Variants in PARD3B observed in about 807,000 individuals in gnomAD.
PARD3B encodes the protein partitioning defective 3 homolog B.
A neutral mutation model predicts 130.2 loss-of-function variants in PARD3B; 103 were observed. The ratio of observed to expected loss-of-function variants is 0.79; its 90% CI spans 0.67 to 0.93. PARD3B has a LOEUF of 0.93. Ranked by LOEUF, PARD3B falls within the 40% of genes least tolerant of loss-of-function variation. PARD3B has a pLI of 0.00. For missense variants in PARD3B, 1,609 were observed against 1,499.2 expected (o/e 1.07, Z -1.21); for synonymous variants, 583 against 553.2 (o/e 1.05, Z -0.76).
chr2:205,060,731 GTGTTAA>G (rs1169709921), intron 4 of PARD3B, among the ~76,000 whole-genome samples: 1 of 152,046 alleles, frequency 6.6e-6, no homozygotes, highest in Non-Finnish European at 1.5e-5. Flanking sequence ...TTTTCTATGT[GTGTTAA>G]ATATAATTAA....
At chr2:205,124,298 C>G (rs1286154125) in intron 8 of PARD3B, 29 bp from the exon 9 acceptor site, 1 of 1,465,190 alleles carries the variant, frequency 6.8e-7, no homozygotes, top group Non-Finnish European at 9.1e-7. Context: ...CTTAAGATGA[C>G]TATACATTTT....
At chr2:205,047,900 C>G (rs950501427) in intron 4 of PARD3B, 30 of 391,884 alleles carry the variant, frequency 7.7e-5, no homozygotes, top group Admixed American at 1.7e-4. Context: ...GATTATGTGC[C>G]AAGTACTATT....
Position 205,430,838 on chromosome 2 carries a change from C to T in PARD3B, c.2742-9532C>T, listed in dbSNP as rs78352316. Among the ~76,000 whole-genome samples, 1,151 of 152,220 alleles carry T rather than the reference C, an allele frequency of 7.6e-3. 13 individuals carry two copies. Among genetic ancestry groups the T allele is most frequent in the African/African-American group, 0.024 (988 of 41,540 alleles). ...ATGTAACGTACAAGCATTTTTACAA[C>T]CTGATTCAAATAAATCATCTGGGGA... On this transcript the variant is annotated intron_variant, in intron 19 of 22. Transcript: ENST00000406610.
intron 2 of PARD3B, among the ~76,000 whole-genome samples, chr2:204,930,939 T>C (rs970032879): frequency 6.6e-6 from 1 of 152,066 alleles, no homozygotes; most frequent in Non-Finnish European, 1.5e-5. Flanking sequence ...TCAACTAAAT[T>C]ATAAGATCTC....
intron 1 of PARD3B, among the ~76,000 whole-genome samples, chr2:204,646,175 C>A (rs1308549344): frequency 1.3e-5 from 2 of 152,116 alleles, no homozygotes; most frequent in African/African-American, 4.8e-5. Context: ...CATACCTCTG[C>A]ACTTGTATTA....
At chr2:205,198,780 G>C (rs192025158) in intron 15 of PARD3B, among the ~76,000 whole-genome samples, 199 of 151,960 alleles carry the variant, frequency 1.3e-3, no homozygotes, top group African/African-American at 4.3e-3. Context: ...TGATAATAAA[G>C]ACTGAATACA....
In PARD3B at chr2:205,269,367, C is replaced by T. The variant is rs1415966997; in HGVS notation, c.2185+23545C>T. Among the ~76,000 whole-genome samples, 1 of 152,106 alleles carries T rather than the reference C, an allele frequency of 6.6e-6. No homozygotes were observed. Among genetic ancestry groups the T allele is most frequent in the East Asian group, 1.9e-4 (1 of 5,192 alleles). ...AACTGTTTCCCAATTTCAATTTATT[C>T]ATCCTTTTTACTAGTGACATCATTC... is the stretch of plus-strand genomic sequence containing the variant. On this transcript the variant is annotated intron_variant, in intron 16 of 22. Coordinates refer to ENST00000406610, the MANE Select transcript of PARD3B (RefSeq NM_001302769.2). The surrounding 1 kb of genome is among the most constrained non-coding windows in gnomAD (Gnocchi z 4.7).
At chr2:204,987,446 G>A (rs940044407) in intron 3 of PARD3B, among the ~76,000 whole-genome samples, 1 of 152,194 alleles carries the variant, frequency 6.6e-6, no homozygotes, top group African/African-American at 2.4e-5. Flanking sequence ...AAAAGATTCT[G>A]TAGTTTGGGG....
Position 205,238,850 on chromosome 2 carries a change from ATATATAT to A in PARD3B, c.2141-6927_2141-6921del, listed in dbSNP as rs1284217588. On this transcript the variant is annotated intron_variant, in intron 15 of 22. Transcript: ENST00000406610. The stretch of plus-strand genomic sequence containing the variant: ...AACTCCGTTTCAAAAAAAAAAAAAA[ATATATAT>A]ATATATATATATATATATATGTATG... 2.8e-3 allele frequency among the ~76,000 whole-genome samples: 184 copies of A among 65,920 alleles called. 11 individuals carry two copies. Among genetic ancestry groups the A allele is most frequent in the African/African-American group, 0.01 (163 of 16,042 alleles). The allele number at this position is 65,920 out of a possible 152,430, so 43.2% of individuals were successfully genotyped here.
chr2:204,744,786 G>T (rs917261565), intron 2 of PARD3B, among the ~76,000 whole-genome samples: 2 of 152,110 alleles, frequency 1.3e-5, no homozygotes, highest in South Asian at 4.1e-4. Context: ...GAAGTTTGTG[G>T]AATAGAACCA....
chr2:204,998,210 C>G (rs565034483), intron 3 of PARD3B, among the ~76,000 whole-genome samples: 2 of 147,902 alleles, frequency 1.4e-5, no homozygotes, highest in African/African-American at 5.0e-5. Context: ...AGGGGAAATA[C>G]CTAATGTAGA....
intron 1 of PARD3B, among the ~76,000 whole-genome samples, chr2:204,680,462 T>G (rs76323875): frequency 2.0e-5 from 3 of 152,006 alleles, no homozygotes; most frequent in Non-Finnish European, 4.4e-5. Context: ...TCTTGATTGG[T>G]TCTGCTATGA....
chr2:204,984,116 A>G (rs1213857761), intron 3 of PARD3B, among the ~76,000 whole-genome samples: 1 of 151,992 alleles, frequency 6.6e-6, no homozygotes, highest in East Asian at 1.9e-4. Context: ...AAAACATCTA[A>G]ATCAAAATTA....
At chr2:205,139,029 AGGTTTC>A (rs2032724367) in intron 10 of PARD3B, among the ~76,000 whole-genome samples, 1 of 152,162 alleles carries the variant, frequency 6.6e-6, no homozygotes, top group African/African-American at 2.4e-5. Flanking sequence ...CCTGAATTGG[AGGTTTC>A]AGTGTATTCT....
chr2:204,892,359 CT>C, intron 2 of PARD3B, among the ~76,000 whole-genome samples: 1 of 152,242 alleles, frequency 6.6e-6, no homozygotes, highest in Admixed American at 6.5e-5. Flanking sequence ...TTGACTTTGA[CT>C]TGGAGTGAAT....
chr2:204,832,072 C>T (rs1559180711), intron 2 of PARD3B, among the ~76,000 whole-genome samples: 1 of 151,876 alleles, frequency 6.6e-6, no homozygotes, highest in Admixed American at 6.6e-5. Flanking sequence ...AATACAAAAA[C>T]AAAATTAGTC....
intron 2 of PARD3B, among the ~76,000 whole-genome samples, chr2:204,960,748 G>T (rs1690677592): frequency 6.6e-6 from 1 of 152,014 alleles, no homozygotes; most frequent in Non-Finnish European, 1.5e-5. Context: ...ACAAACTCAG[G>T]GTTCTCATGG....
Position 205,309,135 on chromosome 2 carries a change from C to CA in PARD3B, c.2630+7440dup, listed in dbSNP as rs2042288393. Among the ~76,000 whole-genome samples the CA allele has an allele frequency of 6.6e-6, 1 of 152,140 alleles. No homozygotes were observed. The highest frequency in any genetic ancestry group is 6.5e-5 in the Admixed American group (1 of 15,282). On this transcript the variant is annotated intron_variant, in intron 18 of 22. Transcript: ENST00000406610. This position sits in a 1 kb window ranked among gnomAD's most constrained non-coding sequence, Gnocchi z 4.7. The stretch of plus-strand genomic sequence containing the variant: ...AAACCAACTCCACATAGAGCTATAA[C>CA]AAAAAACTAACCCAAACTGTGTCTG...
Position 204,791,136 on chromosome 2 carries a change from C to T in PARD3B, c.222+104854C>T, listed in dbSNP as rs1236016445. On this transcript the variant is annotated intron_variant, in intron 2 of 22. Coordinates refer to ENST00000406610, the MANE Select transcript of PARD3B (RefSeq NM_001302769.2). ...ATAAAAAAAGGATAAAAAAAAAATG[C>T]CTCTTCATGTTAGAATCAGAGCAAG... Among the ~76,000 whole-genome samples, 5 of 147,622 alleles carry T rather than the reference C, an allele frequency of 3.4e-5. No homozygotes were observed. The East Asian group carries it at 6.1e-4, about 18-fold the overall frequency.
Sources: gnomAD v4.1 joint callset for allele counts (sites outside exome capture counted in the v4.1 genomes callset) on GRCh38, gnomAD v4.1.1 for gene constraint, Gnocchi (gnomAD v3.1) non-coding constraint, MANE v1.5 for transcripts, NCBI Gene and HGNC (gene_info 2026-07-23, HGNC 2026-07-21) for gene names.